The following TNFRSF10B variants were observed in gnomAD, a reference collection of about 807,000 sequenced individuals.
TNFRSF10B encodes tumor necrosis factor receptor superfamily member 10B.
A neutral mutation model predicts 41.4 loss-of-function variants in TNFRSF10B; 35 were observed. The ratio of observed to expected loss-of-function variants is 0.85; its 90% CI spans 0.65 to 1.12. TNFRSF10B has a LOEUF of 1.12. Among genes scored for constraint, TNFRSF10B ranks in the 50% most tolerant of loss-of-function variants. The probability of loss-of-function intolerance (pLI) is 0.00; values close to 1 mark genes in which losing one functional copy is unlikely to be tolerated. For missense variants in TNFRSF10B, 584 were observed against 552.7 expected (o/e 1.06, Z -0.57); for synonymous variants, 230 against 215.5 (o/e 1.07, Z -0.59).
rs371769682 is a variant in TNFRSF10B, at chr8:23,028,347, C to A, written c.732G>T (p.Leu244=). 9 of 1,614,036 alleles carry A rather than the reference C, an allele frequency of 5.6e-6. No individual in the cohort carries two copies. Among genetic ancestry groups the A allele is most frequent in the Non-Finnish European group, 7.6e-6 (9 of 1,180,022 alleles). ...SLLWKKVLPY[L]KGICSGGGGD... ...AGCACCTACCTGAGCAGATGCCTTTCAGGTAAGGAAGGACTTTCTTCCACA... is the reference window on the plus strand; with the variant it reads ...AGCACCTACCTGAGCAGATGCCTTTAAGGTAAGGAAGGACTTTCTTCCACA... Residue 244 remains leucine (L), a synonymous_variant, in exon 5 of 9, where the codon CTG becomes CTT. Transcript: ENST00000276431.
rs536359174 is a variant in TNFRSF10B at position 23,038,054 on chromosome 8, C to T, written c.250+5084G>A. Among the ~76,000 whole-genome samples, 29 of 152,216 alleles carry T rather than the reference C, an allele frequency of 1.9e-4. 2 individuals are homozygous for T. Among genetic ancestry groups the T allele is most frequent in the African/African-American group, 6.3e-4 (26 of 41,538 alleles). On this transcript the variant is annotated intron_variant, in intron 2 of 8. Transcript: ENST00000276431. ...TTCCTCATGCCTCTGAATCAACAGG[C>T]GAAAACCAGTTACACAAACCCTGCT... is the stretch of plus-strand genomic sequence containing the variant.
chr8:23,058,832 T>C (rs1375120236), intron 1 of TNFRSF10B, among the ~76,000 whole-genome samples: 1 of 152,196 alleles, frequency 6.6e-6, no homozygotes, highest in Non-Finnish European at 1.5e-5. Context: ...TATGTGTAAT[T>C]GTTATAGTGA....
Position 23,032,367 on chromosome 8 carries a change from C to T in TNFRSF10B, c.251-1495G>A, listed in dbSNP as rs570019240. 5.3e-5 allele frequency among the ~76,000 whole-genome samples: 8 copies of T among 152,158 alleles called. No homozygotes were observed. The East Asian group carries it at 1.2e-3, about 22-fold the overall frequency. On this transcript the variant is annotated intron_variant, in intron 2 of 8. Transcript: ENST00000276431. Reference sequence around the variant, plus strand: ...CACACCATCAGCCATGGGAAGAAAACGGGAGGAATCTCTATAGAGTCAAAG... The same window carrying T: ...CACACCATCAGCCATGGGAAGAAAATGGGAGGAATCTCTATAGAGTCAAAG...
intron 4 of TNFRSF10B, 85 bp from the exon 5 acceptor site, chr8:23,028,687 A>C (rs1309081245): frequency 2.0e-6 from 3 of 1,529,132 alleles, no homozygotes; most frequent in Non-Finnish European, 2.7e-6. Context: ...CTCCCTCCCC[A>C]GTGTCCCTGA....
intron 2 of TNFRSF10B, among the ~76,000 whole-genome samples, chr8:23,042,527 G>A (rs1436085060): frequency 6.6e-6 from 1 of 152,056 alleles, no homozygotes; most frequent in Non-Finnish European, 1.5e-5. Flanking sequence ...ACATCCCAGG[G>A]GAGCGCCTCA....
chr8:23,037,005 C>G (rs536159163), intron 2 of TNFRSF10B, among the ~76,000 whole-genome samples: 2 of 152,100 alleles, frequency 1.3e-5, no homozygotes, highest in African/African-American at 4.8e-5. Context: ...AAACTGATAA[C>G]AAGGAAGTCT....
At chr8:23,023,108 G>T in intron 8 of TNFRSF10B, 124 bp from the exon 9 acceptor site, 1 of 1,245,012 alleles carries the variant, frequency 8.0e-7, no homozygotes, top group Non-Finnish European at 1.1e-6. Context: ...CAAACCTGCC[G>T]CTCCAGTGCC....
intron 5 of TNFRSF10B, 181 bp from the exon 6 acceptor site, chr8:23,027,934 GAACTAGAGTAAA>G (rs1170040024): frequency 1.5e-6 from 1 of 686,490 alleles, no homozygotes. Context: ...ATGAGAAGGG[GAACTAGAGTAAA>G]AACAAACACT....
intron 1 of TNFRSF10B, among the ~76,000 whole-genome samples, chr8:23,067,452 A>T (rs1410943999): frequency 6.6e-6 from 1 of 152,014 alleles, no homozygotes; most frequent in African/African-American, 2.4e-5. Context: ...AGATAAAAAA[A>T]AAACCCCACA....
In TNFRSF10B at chr8:23,024,220, A is replaced by G; in HGVS notation, c.977T>C (p.Leu326Pro). Residue 326 changes from leucine to proline, a missense_variant, in exon 8 of 9, where the codon CTG (leucine) becomes CCG (proline). Leu to Pro is a moderately conservative substitution (Grantham distance 98). Coordinates refer to ENST00000276431, the MANE Select transcript of TNFRSF10B (RefSeq NM_003842.5). The part of the protein sequence containing the change: ...EAERSQRRRL[L>P]VPANEGDPTE... Reference sequence around the variant, plus strand: ...GGGATCACCTTCATTTGCTGGAACCAGCAGCCTCCTCCTCTGAGACCTTTC... The same window carrying G: ...GGGATCACCTTCATTTGCTGGAACCGGCAGCCTCCTCCTCTGAGACCTTTC... 1 of 1,614,146 alleles carries G rather than the reference A, an allele frequency of 6.2e-7. No homozygotes were observed. Among genetic ancestry groups the G allele is most frequent in the Non-Finnish European group, 8.5e-7 (1 of 1,180,010 alleles).
At chr8:23,045,342 G>T (rs1403425974) in intron 1 of TNFRSF10B, among the ~76,000 whole-genome samples, 1 of 152,080 alleles carries the variant, frequency 6.6e-6, no homozygotes, top group Non-Finnish European at 1.5e-5. Flanking sequence ...CGGAAGAAAT[G>T]GATAAATTTC....
chr8:23,055,599 G>C (rs2128819428), intron 1 of TNFRSF10B, among the ~76,000 whole-genome samples: 1 of 150,460 alleles, frequency 6.6e-6, no homozygotes, highest in South Asian at 2.1e-4. Flanking sequence ...TTTTGCTTAG[G>C]CCTTTCCTGG....
chr8:23,024,342 G>C, intron 7 of TNFRSF10B, 82 bp from the exon 8 acceptor site: 1 of 1,439,012 alleles, frequency 6.9e-7, no homozygotes, highest in Non-Finnish European at 9.8e-7. Flanking sequence ...AGCCAGCTCT[G>C]AGACCTGCAG....
At chr8:23,040,279 T>A (rs1189112006) in intron 2 of TNFRSF10B, among the ~76,000 whole-genome samples, 3 of 86,740 alleles carry the variant, frequency 3.5e-5, no homozygotes, top group African/African-American at 6.5e-5. Flanking sequence ...ATATATATAA[T>A]ATATATTTAT....
intron 1 of TNFRSF10B, chr8:23,049,777 C>A (rs1463964439): frequency 1.3e-5 from 2 of 152,152 alleles, no homozygotes; most frequent in Admixed American, 1.3e-4. Context: ...TGAGATTCAC[C>A]TGCATCTCAT....
At chr8:23,058,526 C>G (rs1812735257) in intron 1 of TNFRSF10B, among the ~76,000 whole-genome samples, 2 of 150,506 alleles carry the variant, frequency 1.3e-5, no homozygotes, top group Admixed American at 1.3e-4. Flanking sequence ...ACTCTTGTTG[C>G]CCAGGCTGGA....
chr8:23,039,544 C>T (rs10086853), intron 2 of TNFRSF10B, among the ~76,000 whole-genome samples: 45,507 of 151,712 alleles, frequency 0.3, 7,015 homozygotes, highest in Admixed American at 0.35. Context: ...GACTCAAAGC[C>T]CACTGATTTA....
chr8:23,049,921 G>T (rs766963955), intron 1 of TNFRSF10B: 9 of 152,224 alleles, frequency 5.9e-5, no homozygotes, highest in Non-Finnish European at 1.0e-4. Context: ...GGACAGTGCC[G>T]CGTTCAGCGG....
At chr8:23,059,530 A>C (rs78253724) in intron 1 of TNFRSF10B, among the ~76,000 whole-genome samples, 27 of 152,046 alleles carry the variant, frequency 1.8e-4, no homozygotes, top group African/African-American at 5.5e-4. Flanking sequence ...TTTTTGAGAC[A>C]GAGTCTCGTT....
Sources: allele counts gnomAD v4.1 joint callset (sites outside exome capture counted in the v4.1 genomes callset), GRCh38; gene constraint gnomAD v4.1.1; transcripts MANE v1.5; gene names NCBI Gene and HGNC (gene_info 2026-07-23, HGNC 2026-07-21).